The following HTR1F variants were observed in gnomAD, a reference collection of about 807,000 sequenced individuals.
The protein encoded by HTR1F is 5-hydroxytryptamine receptor 1F.
In HTR1F, 17 loss-of-function variants were observed where a neutral mutation model predicts 24.0. That is an observed-to-expected ratio of 0.71 (90% CI 0.48 to 1.06). HTR1F has a LOEUF of 1.06. Among genes scored for constraint, HTR1F ranks in the 50% least tolerant of loss-of-function variants. The pLI is 0.00. For synonymous variants in HTR1F, 186 were observed against 156.8 expected (o/e 1.19, Z -1.39); for missense variants, 391 against 427.8 (o/e 0.91, Z 0.76).
chr3:87,922,117 T>C (rs1196445948), intron 2 of HTR1F, among the ~76,000 whole-genome samples: 6 of 151,980 alleles, frequency 3.9e-5, no homozygotes, highest in Non-Finnish European at 5.9e-5. Flanking sequence ...TTTTCCATAA[T>C]GGGCATACTA....
intron 2 of HTR1F, among the ~76,000 whole-genome samples, chr3:87,931,483 A>G (rs958753109): frequency 2.6e-5 from 4 of 152,136 alleles, no homozygotes; most frequent in Admixed American, 2.6e-4. Context: ...AGTCTTTGCT[A>G]TTGTGAATAG....
At chr3:87,961,765 A>G (rs1297872098) in intron 2 of HTR1F, among the ~76,000 whole-genome samples, 1 of 151,696 alleles carries the variant, frequency 6.6e-6, no homozygotes, top group African/African-American at 2.4e-5. Flanking sequence ...AAAAATGGAA[A>G]GTAATGGAGG....
chr3:87,849,605 A>T (rs1705033577), intron 2 of HTR1F, among the ~76,000 whole-genome samples: 1 of 151,966 alleles, frequency 6.6e-6, no homozygotes, highest in Non-Finnish European at 1.5e-5. Flanking sequence ...AAAATTGACA[A>T]ATGGGATCTA....
At chr3:87,919,399 T>C (rs988403582) in intron 2 of HTR1F, among the ~76,000 whole-genome samples, 1 of 152,096 alleles carries the variant, frequency 6.6e-6, no homozygotes, top group Non-Finnish European at 1.5e-5. Context: ...AAAGAGCTTT[T>C]GCACGGCAAA....
intron 2 of HTR1F, among the ~76,000 whole-genome samples, chr3:87,835,726 C>T (rs1704669887): frequency 6.6e-6 from 1 of 152,158 alleles, no homozygotes; most frequent in Non-Finnish European, 1.5e-5. Context: ...TTAGCATGAA[C>T]TTCATCAATG....
In HTR1F at chr3:87,850,181, C is replaced by T. The variant is rs550362388; in HGVS notation, c.-43+28057C>T. ...CACGTAAGTTTATTGAGGCACTATT[C>T]ACAATAGCAAAGACGTGGAACCAGC... On this transcript the variant is annotated intron_variant, in intron 2 of 2. Coordinates refer to ENST00000319595, the MANE Select transcript of HTR1F (RefSeq NM_001322209.2). Among the ~76,000 whole-genome samples the T allele has an allele frequency of 6.2e-4, 94 of 152,054 alleles. 1 individual carries two copies. The highest frequency in any genetic ancestry group is 1.9e-3 in the African/African-American group (77 of 41,344).
chr3:87,880,454 C>G (rs1001014381), intron 2 of HTR1F, among the ~76,000 whole-genome samples: 3 of 152,096 alleles, frequency 2.0e-5, no homozygotes, highest in African/African-American at 7.2e-5. Context: ...AACTTACTTT[C>G]TTAGGATACA....
Position 87,918,694 on chromosome 3 carries a change from T to A in HTR1F, c.-42-72014T>A, listed in dbSNP as rs1442634283. ...AGTCTAAAAACCTCTAAAGGAAAAC[T>A]ACGAAACACTGCTGAAAGAAATTGT... is the stretch of plus-strand genomic sequence containing the variant. On this transcript the variant is annotated intron_variant, in intron 2 of 2. Transcript: ENST00000319595. Among the ~76,000 whole-genome samples, 3 of 151,904 alleles carry A rather than the reference T, an allele frequency of 2.0e-5. No individual in the cohort carries two copies. The South Asian group carries it at 6.2e-4, about 32-fold the overall frequency.
intron 1 of HTR1F, among the ~76,000 whole-genome samples, chr3:87,795,617 G>T (rs1242066394): frequency 6.6e-6 from 1 of 152,122 alleles, no homozygotes; most frequent in African/African-American, 2.4e-5. Context: ...AACCCCTAGG[G>T]AAACATATGT....
intron 2 of HTR1F, among the ~76,000 whole-genome samples, chr3:87,833,162 G>A (rs1299682471): frequency 7.0e-6 from 1 of 142,644 alleles, no homozygotes; most frequent in Non-Finnish European, 1.5e-5. Context: ...TTGCAATATT[G>A]TCATTGTTTC....
At chr3:87,984,286 C>T (rs1449014753) in intron 2 of HTR1F, among the ~76,000 whole-genome samples, 1 of 152,140 alleles carries the variant, frequency 6.6e-6, no homozygotes, top group Non-Finnish European at 1.5e-5. Flanking sequence ...CTCCATAATG[C>T]CCTTATTGCA....
intron 2 of HTR1F, among the ~76,000 whole-genome samples, chr3:87,875,203 C>T (rs779153541): frequency 7.9e-5 from 12 of 152,114 alleles, no homozygotes; most frequent in Non-Finnish European, 1.0e-4. Context: ...GTAGTCCCAG[C>T]GCTTTGGGAG....
intron 2 of HTR1F, among the ~76,000 whole-genome samples, chr3:87,896,763 A>C (rs530407541): frequency 2.0e-5 from 3 of 152,270 alleles, no homozygotes; most frequent in African/African-American, 7.2e-5. Flanking sequence ...TGGACAAAGG[A>C]CTTAAACAGA....
At chr3:87,909,563 T>C (rs1183566651) in intron 2 of HTR1F, among the ~76,000 whole-genome samples, 1 of 152,012 alleles carries the variant, frequency 6.6e-6, no homozygotes, top group African/African-American at 2.4e-5. Context: ...TTGGTAGAAA[T>C]TCAAGGGGCT....
Position 87,871,378 on chromosome 3 carries a change from A to C in HTR1F, c.-43+49254A>C, listed in dbSNP as rs567815859. ...ATATCACATCAGAAAAGCAAAAAGA[A>C]AAAAGAATGAAGAAAAGCCTATGGG... On this transcript the variant is annotated intron_variant, in intron 2 of 2. Coordinates refer to ENST00000319595, the MANE Select transcript of HTR1F (RefSeq NM_001322209.2). 6.4e-4 allele frequency among the ~76,000 whole-genome samples: 97 copies of C among 152,032 alleles called. 1 individual carries two copies. The highest frequency in any genetic ancestry group is 2.3e-3 in the African/African-American group (96 of 41,542).
chr3:87,921,866 T>A (rs188423965), intron 2 of HTR1F, among the ~76,000 whole-genome samples: 1 of 152,080 alleles, frequency 6.6e-6, no homozygotes, highest in African/African-American at 2.4e-5. Context: ...CCTTCAAGGT[T>A]TATCCATGTT....
At chr3:87,969,368 G>A (rs916176646) in intron 2 of HTR1F, among the ~76,000 whole-genome samples, 1 of 152,194 alleles carries the variant, frequency 6.6e-6, no homozygotes, top group African/African-American at 2.4e-5. Context: ...AAATCCACAG[G>A]AGCAGAGCTG....
rs1705857486 is a variant in HTR1F, at chr3:87,992,408, G to T, written c.*558G>T. On this transcript the variant is annotated 3_prime_UTR_variant, in exon 3 of 3. Transcript: ENST00000319595. ...AGAAAATGTAAAAAAGTCAGAGCTT[G>T]AAATTGTCCTTGTGTTTAGGTAGCA... 1 of 167,080 alleles carries T rather than the reference G, an allele frequency of 6.0e-6. No individual in the cohort carries two copies. The highest frequency in any genetic ancestry group is 2.4e-5 in the African/African-American group (1 of 41,456). The allele number at this position is 167,080 out of a possible 1,614,324, so 10.3% of individuals were successfully genotyped here.
At chr3:87,843,224 T>C (rs1443013807) in intron 2 of HTR1F, among the ~76,000 whole-genome samples, 1 of 152,034 alleles carries the variant, frequency 6.6e-6, no homozygotes, top group African/African-American at 2.4e-5. Flanking sequence ...TTTTTGTTTA[T>C]GCTAGTGGTC....
Sources: gnomAD v4.1 joint callset for allele counts (sites outside exome capture counted in the v4.1 genomes callset) on GRCh38, gnomAD v4.1.1 for gene constraint, MANE v1.5 for transcripts, NCBI Gene and HGNC (gene_info 2026-07-23, HGNC 2026-07-21) for gene names.